ITPR1: variants seen among roughly 807,000 people sequenced by gnomAD.
The protein encoded by ITPR1 is inositol 1,4,5-trisphosphate-gated calcium channel ITPR1.
In ITPR1, 96 loss-of-function variants were observed where a neutral mutation model predicts 318.4. The observed-to-expected ratio is 0.30, with a 90% CI of 0.26 to 0.36. The LOEUF (loss-of-function observed/expected upper bound fraction) is 0.36, where lower values mean the gene tolerates loss of function less well. ITPR1 is among the 10% of genes least tolerant of loss of function. ITPR1 has a pLI of 1.00. For missense variants in ITPR1, 2,440 were observed against 3,460.2 expected (o/e 0.71, Z 7.40); for synonymous variants, 1,312 against 1,289.9 (o/e 1.02, Z -0.37).
At chr3:4,772,238 G>A (rs1405586733) in intron 46 of ITPR1, among the ~76,000 whole-genome samples, 1 of 152,260 alleles carries the variant, frequency 6.6e-6, no homozygotes, top group Non-Finnish European at 1.5e-5. Flanking sequence ...GGAAGGAGAA[G>A]GCATTCTCAT....
intron 55 of ITPR1, among the ~76,000 whole-genome samples, chr3:4,808,095 A>G (rs1263378900): frequency 6.6e-6 from 1 of 152,228 alleles, no homozygotes; most frequent in African/African-American, 2.4e-5. Flanking sequence ...TGCCTGACGC[A>G]GGGCACATAA....
At chr3:4,669,881 G>C (rs773810942) in intron 19 of ITPR1, 108 bp downstream of exon 19, 1 of 1,128,540 alleles carries the variant, frequency 8.9e-7, no homozygotes, top group African/African-American at 1.6e-5. Context: ...TCTAAAGTCA[G>C]TGTGGCTGGC....
chr3:4,778,449 G>T (rs781684630), intron 48 of ITPR1, among the ~76,000 whole-genome samples: 18 of 152,202 alleles, frequency 1.2e-4, no homozygotes, highest in Non-Finnish European at 2.2e-4. Flanking sequence ...TCATAGGAAA[G>T]GTCATTAGGA....
intron 4 of ITPR1, among the ~76,000 whole-genome samples, chr3:4,528,503 G>A (rs993105735): frequency 7.2e-5 from 11 of 152,154 alleles, no homozygotes; most frequent in African/African-American, 2.2e-4. Context: ...ATGTTGCTAA[G>A]CAACAGTATT....
intron 24 of ITPR1, among the ~76,000 whole-genome samples, chr3:4,677,048 G>T (rs568448217): frequency 6.6e-6 from 1 of 152,094 alleles, no homozygotes; most frequent in Non-Finnish European, 1.5e-5. Context: ...AGCTTTCCAT[G>T]ATCATTGGCC....
At chr3:4,754,483 C>T (rs1372305166) in intron 44 of ITPR1, among the ~76,000 whole-genome samples, 1 of 152,156 alleles carries the variant, frequency 6.6e-6, no homozygotes, top group African/African-American at 2.4e-5. Context: ...GAGACAGGAC[C>T]TGAGAGTTTC....
intron 45 of ITPR1, among the ~76,000 whole-genome samples, 171 bp downstream of exon 45, chr3:4,766,881 C>T (rs577207162): frequency 1.2e-4 from 18 of 152,338 alleles, no homozygotes; most frequent in Non-Finnish European, 2.2e-4. Context: ...TGAGCTGAAG[C>T]CCTGCTGCTC....
intron 44 of ITPR1, chr3:4,751,482 G>A (rs919795657): frequency 6.6e-6 from 1 of 152,196 alleles, no homozygotes; most frequent in African/African-American, 2.4e-5. Flanking sequence ...GAAGATGTGA[G>A]TAGGGAGGTT....
intron 35 of ITPR1, 84 bp downstream of exon 35, chr3:4,700,025 G>A: frequency 3.3e-6 from 4 of 1,223,372 alleles, no homozygotes; most frequent in Non-Finnish European, 3.6e-6. Flanking sequence ...GTAAGCAATT[G>A]TAAATGAACT....
chr3:4,707,038 G>T (rs1466472413), intron 37 of ITPR1, among the ~76,000 whole-genome samples: 21 of 151,944 alleles, frequency 1.4e-4, no homozygotes, highest in Non-Finnish European at 1.5e-5. Context: ...CCAGTGCCTG[G>T]GTTAAATTTA....
chr3:4,840,308 G>A (rs1175128823), intron 61 of ITPR1, among the ~76,000 whole-genome samples: 9 of 151,768 alleles, frequency 5.9e-5, no homozygotes, highest in Non-Finnish European at 1.0e-4. Flanking sequence ...GCCCTTTGTG[G>A]GAAAAAATTT....
chr3:4,701,980 C>T (rs1559729224), intron 35 of ITPR1, among the ~76,000 whole-genome samples: 1 of 152,146 alleles, frequency 6.6e-6, no homozygotes, highest in African/African-American at 2.4e-5. Context: ...TTAACTTCCG[C>T]TGTTTTTAGA....
At chr3:4,801,636 C>T (rs1180171764) in intron 54 of ITPR1, among the ~76,000 whole-genome samples, 1 of 151,914 alleles carries the variant, frequency 6.6e-6, no homozygotes, top group Non-Finnish European at 1.5e-5. Flanking sequence ...TGGTAGCATG[C>T]GCCTATAATC....
intron 10 of ITPR1, among the ~76,000 whole-genome samples, chr3:4,649,011 A>G (rs968726946): frequency 3.3e-5 from 5 of 152,194 alleles, no homozygotes; most frequent in African/African-American, 9.7e-5. Flanking sequence ...TTGATGCCCC[A>G]TGGTCCCCAC....
At chr3:4,814,352 C>G (rs1575351831) in intron 57 of ITPR1, 71 bp from the exon 58 acceptor site, 1 of 1,508,326 alleles carries the variant, frequency 6.6e-7, no homozygotes, top group East Asian at 2.3e-5. Context: ...ATTCAGGAAA[C>G]AGGATTTCAA....
chr3:4,662,998 C>T lies in ITPR1; in HGVS notation c.1413-67C>T, dbSNP rs1030925418. 3.4e-6 allele frequency: 5 copies of T among 1,486,842 alleles called. No individual in the cohort carries two copies. The African/African-American group carries it at 4.2e-5, about 12-fold the overall frequency. The allele number at this position is 1,486,842 out of a possible 1,614,324, so 92.1% of individuals were successfully genotyped here. On this transcript the variant is annotated intron_variant, in intron 15 of 61. Coordinates refer to ENST00000649015, the MANE Select transcript of ITPR1 (RefSeq NM_001378452.1). Reference sequence around the variant, plus strand: ...CTGGCTCATTCGTCCAGAAGGCTTCCAAGGCAAAGCTTCCAGCCTGCTGAA... The same window carrying T: ...CTGGCTCATTCGTCCAGAAGGCTTCTAAGGCAAAGCTTCCAGCCTGCTGAA...
intron 43 of ITPR1, 98 bp from the exon 44 acceptor site, chr3:4,735,066 A>T: frequency 1.1e-6 from 1 of 873,186 alleles, no homozygotes; most frequent in Non-Finnish European, 1.8e-6. Context: ...GAACATGGGT[A>T]AAGCATTTAG....
intron 12 of ITPR1, 148 bp from the exon 13 acceptor site, chr3:4,657,976 T>G (rs539985913): frequency 7.6e-6 from 5 of 657,506 alleles, no homozygotes; most frequent in Non-Finnish European, 1.3e-5. Context: ...TGTCATCTTT[T>G]AGGACTGCTC....
chr3:4,559,379 T>A (rs969294642), intron 4 of ITPR1, among the ~76,000 whole-genome samples: 24 of 152,210 alleles, frequency 1.6e-4, no homozygotes, highest in Admixed American at 1.5e-3. Flanking sequence ...AAGTTTTAAT[T>A]GGCTTTTAAA....
Sources: allele counts gnomAD v4.1 joint callset (sites outside exome capture counted in the v4.1 genomes callset), GRCh38; gene constraint gnomAD v4.1.1; transcripts MANE v1.5; gene names NCBI Gene and HGNC (gene_info 2026-07-23, HGNC 2026-07-21).